The following BCL11A variants were observed in gnomAD, a reference collection of about 807,000 sequenced individuals.
The protein encoded by BCL11A is BCL11 transcription factor A, also known as B cell CLL/lymphoma 11A.
In BCL11A, 2 loss-of-function variants were observed where a neutral mutation model predicts 55.9. The ratio of observed to expected loss-of-function variants is 0.04; its 90% CI spans 0.01 to 0.11. The LOEUF (loss-of-function observed/expected upper bound fraction) is 0.11. Ranked by LOEUF, BCL11A falls within the 10% of genes least tolerant of loss-of-function variation. BCL11A has a pLI of 1.00. For missense variants in BCL11A, 817 were observed against 1,137.1 expected, an observed-to-expected ratio of 0.72 and a Z score of 4.05; for synonymous variants, 465 against 473.4, an observed-to-expected ratio of 0.98 and a Z score of 0.23.
chr2:60,509,441 C>G lies in BCL11A; in HGVS notation c.385+36530G>C, dbSNP rs145990143. 2.0e-3 allele frequency among the ~76,000 whole-genome samples: 301 copies of G among 152,306 alleles called. 1 individual carries two copies. Among genetic ancestry groups the G allele is most frequent in the Middle Eastern group, 3.4e-3 (1 of 294 alleles). Reference sequence around the variant, plus strand: ...CACACGGACGTCTCAGAAAACGGTTCTGTGGAAGCACAAGACACGTGGCAG... The same window carrying G: ...CACACGGACGTCTCAGAAAACGGTTGTGTGGAAGCACAAGACACGTGGCAG... On this transcript the variant is annotated intron_variant, in intron 2 of 3. Coordinates refer to ENST00000642384, the MANE Select transcript of BCL11A (RefSeq NM_022893.4).
At chr2:60,480,957 C>T (rs1677916654) in intron 2 of BCL11A, among the ~76,000 whole-genome samples, 1 of 152,168 alleles carries the variant, frequency 6.6e-6, no homozygotes, top group Non-Finnish European at 1.5e-5. Flanking sequence ...TTTTGCTCCA[C>T]TAAAAGGGCT....
intron 2 of BCL11A, among the ~76,000 whole-genome samples, chr2:60,521,799 C>T (rs1235357442): frequency 6.6e-6 from 1 of 152,228 alleles, no homozygotes; most frequent in Non-Finnish European, 1.5e-5. Flanking sequence ...CCAGCTGCTT[C>T]TTCCTGACCC....
In BCL11A at chr2:60,553,286, G is replaced by GGGCGGCGGCGGCGGCGGCGGCGGCGGC. The variant is rs748538213; in HGVS notation, c.-43_-17dup. ...GGCGAGACATGGTGGGCTGCGGGGC[G>GGGCGGCGGCGGCGGCGGCGGCGGCGGC]GGCGGCGGCGGCGGCGGCGGCGGCG... On this transcript the variant is annotated 5_prime_UTR_variant, in exon 1 of 4. Coordinates refer to ENST00000642384, the MANE Select transcript of BCL11A (RefSeq NM_022893.4). The GGGCGGCGGCGGCGGCGGCGGCGGCGGC allele has an allele frequency of 7.2e-7, 1 of 1,379,352 alleles. No individual in the cohort carries two copies. Among genetic ancestry groups the GGGCGGCGGCGGCGGCGGCGGCGGCGGC allele is most frequent in the Non-Finnish European group, 9.5e-7 (1 of 1,048,258 alleles). 85.4% of individuals were successfully genotyped at this position (1,379,352 alleles called of 1,614,324 possible). A position where few individuals can be genotyped will look rare whatever the true frequency, so the allele number is the denominator to read the frequency against.
At position 60,514,495 on chromosome 2, in the gene BCL11A, TAA is replaced by T. The variant is rs58972358; in HGVS notation, c.385+31474_385+31475del. 1.6e-3 allele frequency among the ~76,000 whole-genome samples: 195 copies of T among 119,330 alleles called. 2 individuals are homozygous for T. The highest frequency in any genetic ancestry group is 3.1e-3 in the African/African-American group (97 of 31,056). The allele number at this position is 119,330 out of a possible 152,430, so 78.3% of individuals were successfully genotyped here. A position where few individuals can be genotyped will look rare whatever the true frequency, so the allele number is the denominator to read the frequency against. On this transcript the variant is annotated intron_variant, in intron 2 of 3. Transcript: ENST00000642384. Reference sequence around the variant, plus strand: ...AACATGGTGAAACCCCATCTCTACTTAAAAAAAAAAAAAAAAAAAAAAATCAG... The same window carrying T: ...AACATGGTGAAACCCCATCTCTACTTAAAAAAAAAAAAAAAAAAAAATCAG...
chr2:60,462,808 T>G (rs1002784533), intron 3 of BCL11A, among the ~76,000 whole-genome samples: 1 of 152,198 alleles, frequency 6.6e-6, no homozygotes, highest in Non-Finnish European at 1.5e-5. Context: ...GTTTCCTCCT[T>G]GTTAAGTGAG....
chr2:60,482,652 C>T (rs1678029602), intron 2 of BCL11A, among the ~76,000 whole-genome samples: 1 of 152,222 alleles, frequency 6.6e-6, no homozygotes. Context: ...TATCACCCAA[C>T]CCTGAAAGCA....
intron 2 of BCL11A, among the ~76,000 whole-genome samples, chr2:60,531,835 A>G (rs1347579525): frequency 6.6e-6 from 1 of 152,174 alleles, no homozygotes; most frequent in African/African-American, 2.4e-5. Flanking sequence ...TGCCGGCCGC[A>G]GCTGTTCTGT....
chr2:60,496,352 G>A (rs1217544407), intron 2 of BCL11A, among the ~76,000 whole-genome samples: 1 of 152,208 alleles, frequency 6.6e-6, no homozygotes, highest in Admixed American at 6.5e-5. Context: ...AGCCCTATGA[G>A]GCAAGTGTCC....
At chr2:60,551,427 A>C (rs1392422770) in intron 1 of BCL11A, among the ~76,000 whole-genome samples, 1 of 152,208 alleles carries the variant, frequency 6.6e-6, no homozygotes, top group Admixed American at 6.5e-5. Flanking sequence ...CTTCCCCGGC[A>C]ACCCCGCCAC....
Position 60,461,805 on chromosome 2 carries a change from G to A in BCL11A, c.1107C>T (p.Pro369=), listed in dbSNP as rs1676311404. ...PLPPLQSAPP[P]SQPPVKSKSC... is the part of the protein sequence containing the mutation. ...ACTTGGACTTGACCGGGGGCTGGGA[G>A]GGAGGAGGGGCGGATTGCAGAGGAG... Residue 369 remains proline (P), a synonymous_variant, in exon 4 of 4, where the codon CCC becomes CCT. Coordinates refer to ENST00000642384, the MANE Select transcript of BCL11A (RefSeq NM_022893.4). 2.5e-6 allele frequency: 4 copies of A among 1,613,768 alleles called. No individual in the cohort carries two copies. The highest frequency in any genetic ancestry group is 1.3e-5 in the African/African-American group (1 of 75,050).
At chr2:60,489,155 T>C (rs1002381112) in intron 2 of BCL11A, among the ~76,000 whole-genome samples, 1 of 152,222 alleles carries the variant, frequency 6.6e-6, no homozygotes, top group Admixed American at 6.5e-5. Context: ...TAGACCCCAA[T>C]TAAACTGTTG....
intron 2 of BCL11A, among the ~76,000 whole-genome samples, chr2:60,532,360 T>C (rs1289268571): frequency 6.6e-6 from 1 of 151,712 alleles, no homozygotes; most frequent in Non-Finnish European, 1.5e-5. Flanking sequence ...AACTATTCTG[T>C]CATTTCCAGT....
chr2:60,464,227 C>G, intron 3 of BCL11A, among the ~76,000 whole-genome samples: 1 of 152,050 alleles, frequency 6.6e-6, no homozygotes. Context: ...AAACATTTGT[C>G]TAATGTGGAA....
intron 3 of BCL11A, among the ~76,000 whole-genome samples, chr2:60,463,012 A>C (rs1041084514): frequency 6.6e-6 from 1 of 152,212 alleles, no homozygotes; most frequent in Non-Finnish European, 1.5e-5. Context: ...AAACACACTA[A>C]TTGTTGATAT....
chr2:60,474,005 T>C (rs988461455), intron 2 of BCL11A, among the ~76,000 whole-genome samples: 2 of 152,222 alleles, frequency 1.3e-5, no homozygotes, highest in African/African-American at 4.8e-5. Flanking sequence ...ATTTCTTCCC[T>C]GAAACTCTCT....
In BCL11A at chr2:60,461,676, G is replaced by A. The variant is rs1392606372; in HGVS notation, c.1236C>T (p.His412=). Residue 412 remains histidine, a synonymous_variant, in exon 4 of 4, where the codon CAC becomes CAT. Transcript: ENST00000642384. ...EKPYKCNLCD[H]ACTQASKLKR... is the part of the protein sequence containing the mutation. ...TCAGCTTGCTGGCCTGGGTGCACGC[G>A]TGGTCGCACAGGTTGCACTTGTAGG... The A allele has an allele frequency of 6.2e-7, 1 of 1,614,020 alleles. No individual in the cohort carries two copies. The highest frequency in any genetic ancestry group is 1.7e-5 in the Admixed American group (1 of 60,036).
chr2:60,497,117 T>G (rs1319531570), intron 2 of BCL11A, among the ~76,000 whole-genome samples: 1 of 152,196 alleles, frequency 6.6e-6, no homozygotes, highest in African/African-American at 2.4e-5. Context: ...CTAATTCCCT[T>G]TAGCTAGCAT....
chr2:60,458,407 A>C lies in BCL11A; in HGVS notation c.*1997T>G, dbSNP rs1277081869. 7.8e-6 allele frequency: 8 copies of C among 1,021,504 alleles called. No homozygotes were observed. The highest frequency in any genetic ancestry group is 9.4e-6 in the Non-Finnish European group (8 of 850,332). The allele number at this position is 1,021,504 out of a possible 1,614,324, so 63.3% of individuals were successfully genotyped here. ...CCTAAAATGCAGTTCCCCCCTAAAC[A>C]TAATGAAGTGTTTTTTAAAAAAAAT... On this transcript the variant is annotated 3_prime_UTR_variant, in exon 4 of 4. Coordinates refer to ENST00000642384, the MANE Select transcript of BCL11A (RefSeq NM_022893.4).
chr2:60,546,085 C>T lies in BCL11A; in HGVS notation c.271G>A (p.Glu91Lys), dbSNP rs1362432129. ...ACGGGATTGGATGCTTTTTTCATCT[C>T]GATTGGTGAAGGGGAAGGTGGCTTA... ...VDKPPSPSPI[E>K]MKKASNPVEV... Residue 91 changes from glutamate (E) to lysine (K), a missense_variant, in exon 2 of 4, where the codon GAG becomes AAG. By Grantham distance (56) the Glu-to-Lys change is moderately conservative. Transcript: ENST00000642384. The surrounding 1 kb of genome is among the most constrained non-coding windows in gnomAD (Gnocchi z 4.1). The T allele has an allele frequency of 1.9e-6, 3 of 1,614,154 alleles. No individual in the cohort carries two copies. Among genetic ancestry groups the T allele is most frequent in the Non-Finnish European group, 2.5e-6 (3 of 1,180,034 alleles).
Sources: gnomAD v4.1 joint callset for allele counts (sites outside exome capture counted in the v4.1 genomes callset) on GRCh38, gnomAD v4.1.1 for gene constraint, Gnocchi (gnomAD v3.1) non-coding constraint, MANE v1.5 for transcripts, NCBI Gene and HGNC (gene_info 2026-07-23, HGNC 2026-07-21) for gene names.